Variants in LYN observed in about 807,000 individuals in gnomAD.
The protein encoded by LYN is tyrosine-protein kinase Lyn.
A neutral mutation model predicts 65.0 loss-of-function variants in LYN; 12 were observed. That is an observed-to-expected ratio of 0.18 (90% CI 0.12 to 0.30). LYN has a LOEUF of 0.30. Among genes scored for constraint, LYN ranks in the 10% least tolerant of loss-of-function variants. The pLI is 1.00. For synonymous variants in LYN, 222 were observed against 221.2 expected (o/e 1.00, Z -0.03); for missense variants, 380 against 623.2 (o/e 0.61, Z 4.16).
rs766549742 is a variant in LYN, at chr8:55,951,955, T to G, written c.488-11T>G. 3 of 1,608,026 alleles carry G rather than the reference T, an allele frequency of 1.9e-6. No individual in the cohort carries two copies. Among genetic ancestry groups the G allele is most frequent in the East Asian group, 2.2e-5 (1 of 44,776 alleles). ...AGATATAAACATTTACTTACACTTT[T>G]CCCCCCATAGGAAGCTTCTCTCTGT... is the stretch of plus-strand genomic sequence containing the variant. On this transcript the variant is annotated splice_polypyrimidine_tract_variant and intron_variant, in intron 6 of 12. Transcript: ENST00000519728.
chr8:55,988,156 A>T (rs1400438710), intron 10 of LYN, among the ~76,000 whole-genome samples: 1 of 152,168 alleles, frequency 6.6e-6, no homozygotes, highest in African/African-American at 2.4e-5. Context: ...GATTAGAGGA[A>T]TCTAGTGTTG....
chr8:56,012,139 C>T lies in LYN; in HGVS notation c.*2029C>T. ...ATGTGGGCCCTTCACCAGCTTGGGC[C>T]TCATCTCTGGTGTCCAGCATGTGTG... is the stretch of plus-strand genomic sequence containing the variant. On this transcript the variant is annotated 3_prime_UTR_variant, in exon 13 of 13. Transcript: ENST00000519728. 1.0e-5 allele frequency: 2 copies of T among 190,796 alleles called. No homozygotes were observed. The highest frequency in any genetic ancestry group is 1.1e-5 in the Non-Finnish European group (1 of 91,016). 11.8% of individuals were successfully genotyped at this position (190,796 alleles called of 1,614,324 possible).
At chr8:55,896,701 T>C (rs1038852745) in intron 1 of LYN, among the ~76,000 whole-genome samples, 1 of 152,080 alleles carries the variant, frequency 6.6e-6, no homozygotes, top group Non-Finnish European at 1.5e-5. Context: ...CCATACCTAA[T>C]TTAGTAAGAG....
intron 10 of LYN, among the ~76,000 whole-genome samples, chr8:55,997,347 C>CT (rs1350119403): frequency 6.6e-6 from 1 of 152,122 alleles, no homozygotes; most frequent in Non-Finnish European, 1.5e-5. Flanking sequence ...TTGGTTCAGG[C>CT]TGCCATAATA....
At chr8:55,947,593 G>A in intron 3 of LYN, 25 bp from the exon 4 acceptor site, 1 of 1,515,646 alleles carries the variant, frequency 6.6e-7, no homozygotes, top group Non-Finnish European at 9.2e-7. Flanking sequence ...GATTCTTACA[G>A]GTGTTCTCTT....
intron 1 of LYN, among the ~76,000 whole-genome samples, chr8:55,883,941 G>A (rs1267442856): frequency 6.6e-6 from 1 of 152,082 alleles, no homozygotes; most frequent in Non-Finnish European, 1.5e-5. Context: ...GAAACTTTAA[G>A]TTCACTCCAT....
intron 1 of LYN, among the ~76,000 whole-genome samples, chr8:55,932,329 T>C (rs757675255): frequency 6.6e-5 from 10 of 152,222 alleles, no homozygotes; most frequent in Non-Finnish European, 1.0e-4. Flanking sequence ...CAGATTAATA[T>C]AGTTCTAAGA....
At chr8:56,002,604 A>AAAATTAAATTAAATTAAATTAAATT (rs56143558) in intron 12 of LYN, among the ~76,000 whole-genome samples, 8 of 145,162 alleles carry the variant, frequency 5.5e-5, no homozygotes, top group African/African-American at 1.1e-4. Context: ...CTCCATCTCA[A>AAAATTAAATTAAATTAAATTAAATT]AAATTAAATT....
intron 1 of LYN, among the ~76,000 whole-genome samples, chr8:55,898,384 G>A (rs1284948262): frequency 6.6e-6 from 1 of 152,166 alleles, no homozygotes; most frequent in African/African-American, 2.4e-5. Flanking sequence ...CGCCTTCCGT[G>A]TTCAAGCAAT....
chr8:55,954,617 T>C (rs1563527402), intron 8 of LYN, among the ~76,000 whole-genome samples: 1 of 152,104 alleles, frequency 6.6e-6, no homozygotes, highest in Admixed American at 6.5e-5. Flanking sequence ...AGCAGGAAGA[T>C]TGCTTGATCC....
At chr8:55,931,371 T>G (rs10091244) in intron 1 of LYN, among the ~76,000 whole-genome samples, 35,064 of 150,108 alleles carry the variant, frequency 0.23, 5,183 homozygotes, top group Non-Finnish European at 0.32. Flanking sequence ...GGAAAACATT[T>G]TTAAAATTTT....
intron 1 of LYN, among the ~76,000 whole-genome samples, chr8:55,914,722 A>G (rs1198034778): frequency 1.3e-5 from 2 of 152,246 alleles, no homozygotes; most frequent in Non-Finnish European, 2.9e-5. Flanking sequence ...GACATGAGAA[A>G]ACAGTTTCAC....
intron 11 of LYN, 76 bp downstream of exon 11, chr8:55,998,575 T>G: frequency 7.2e-7 from 1 of 1,389,614 alleles, no homozygotes; most frequent in Non-Finnish European, 1.0e-6. Context: ...GACAAAGCAA[T>G]TACAATAGTC....
chr8:55,951,404 G>A (rs1001843868), intron 6 of LYN, among the ~76,000 whole-genome samples: 5 of 151,440 alleles, frequency 3.3e-5, no homozygotes, highest in African/African-American at 1.2e-4. Context: ...GGTGGCTCAG[G>A]CCTGTAATCC....
chr8:55,975,227 C>T (rs1807721387), intron 10 of LYN, among the ~76,000 whole-genome samples: 1 of 152,176 alleles, frequency 6.6e-6, no homozygotes, highest in African/African-American at 2.4e-5. Context: ...AATGTTAACA[C>T]AGCTGGTGGT....
In LYN at chr8:55,900,125, C is replaced by T. The variant is rs150581292; in HGVS notation, c.-6+20022C>T. On this transcript the variant is annotated intron_variant, in intron 1 of 12. Transcript: ENST00000519728. ...AGCTCAGACACTGAAAACCAGTCAG[C>T]AAGGCCAAAACAAGAGAGCCCCCAG... Among the ~76,000 whole-genome samples, 125 of 152,250 alleles carry T rather than the reference C, an allele frequency of 8.2e-4. 1 individual carries two copies. The highest frequency in any genetic ancestry group is 2.9e-3 in the African/African-American group (119 of 41,556).
chr8:55,956,104 T>C (rs1807103470), intron 8 of LYN, among the ~76,000 whole-genome samples: 1 of 148,410 alleles, frequency 6.7e-6, no homozygotes, highest in African/African-American at 2.5e-5. Flanking sequence ...AACTATTATA[T>C]GCTCATTAAA....
chr8:55,931,288 A>C (rs1049273716), intron 1 of LYN, among the ~76,000 whole-genome samples: 3 of 150,386 alleles, frequency 2.0e-5, no homozygotes, highest in South Asian at 4.2e-4. Context: ...CTATATGTAC[A>C]TGTATAACTT....
chr8:55,967,752 A>G (rs1440044805), intron 9 of LYN, among the ~76,000 whole-genome samples: 1 of 152,256 alleles, frequency 6.6e-6, no homozygotes, highest in Admixed American at 6.5e-5. Context: ...GCTGGAGAAT[A>G]GACTTCAAGC....
Sources: allele counts gnomAD v4.1 joint callset (sites outside exome capture counted in the v4.1 genomes callset), GRCh38; gene constraint gnomAD v4.1.1; transcripts MANE v1.5; gene names NCBI Gene and HGNC (gene_info 2026-07-23, HGNC 2026-07-21).